The following DEUP1 variants were observed in gnomAD, a reference collection of about 807,000 sequenced individuals.
The protein encoded by DEUP1 is coiled-coil domain containing 67.
In DEUP1, 82 loss-of-function variants were observed where a neutral mutation model predicts 87.4. The observed-to-expected ratio is 0.94, with a 90% confidence interval of 0.78 to 1.13. The LOEUF (loss-of-function observed/expected upper bound fraction) is 1.13. DEUP1 is among the 50% of genes most tolerant of loss of function. DEUP1 has a pLI of 0.00. For missense variants in DEUP1, 663 were observed against 681.5 expected, an observed-to-expected ratio of 0.97 and a Z score of 0.30; for synonymous variants, 214 against 222.7, an observed-to-expected ratio of 0.96 and a Z score of 0.35.
chr11:93,400,063 T>C (rs12289685), intron 11 of DEUP1, among the ~76,000 whole-genome samples: 38,418 of 152,062 alleles, frequency 0.25, 5,208 homozygotes, highest in Middle Eastern at 0.38. Flanking sequence ...TATGTGGGTT[T>C]TGTTTTTTAA....
chr11:93,391,114 C>T (rs1453895356), intron 9 of DEUP1, among the ~76,000 whole-genome samples: 1 of 148,550 alleles, frequency 6.7e-6, no homozygotes, highest in Non-Finnish European at 1.5e-5. Flanking sequence ...CCAAGTGTTT[C>T]TGAAGAGCAT....
chr11:93,371,089 G>A lies in DEUP1; in HGVS notation c.598G>A (p.Glu200Lys). 6.2e-7 allele frequency: 1 copy of A among 1,612,386 alleles called. No homozygotes were observed. Among genetic ancestry groups the A allele is most frequent in the Non-Finnish European group, 8.5e-7 (1 of 1,178,980 alleles). ...ACTAAATGGTAAAAAACAGTGCTTA[G>A]AAGACAGCAGCTCTGAAATTCCTCG... is the stretch of plus-strand genomic sequence containing the variant. ...TQLNGKKQCLEDSSSEIPRLI... is the reference protein window; with the variant it reads ...TQLNGKKQCLKDSSSEIPRLI... The change falls in exon 7 of 14, where the codon GAA (glutamate) becomes AAA (lysine). Residue 200 changes from glutamate to lysine, a missense_variant. Glu to Lys is a moderately conservative substitution (Grantham distance 56). Transcript: ENST00000298050.
In DEUP1 at chr11:93,373,466, C is replaced by T. The variant is rs533617325; in HGVS notation, c.789+2186C>T. Among the ~76,000 whole-genome samples, 6 of 151,654 alleles carry T rather than the reference C, an allele frequency of 4.0e-5. No individual in the cohort carries two copies. The South Asian group carries it at 1.0e-3, about 26-fold the overall frequency. The stretch of plus-strand genomic sequence containing the variant: ...TAGGAGCAATAACAAAATGATGTTT[C>T]GTTTTCCATTCCTGAGTTACTTCAC... On this transcript the variant is annotated intron_variant, in intron 7 of 13. Transcript: ENST00000298050.
At position 93,385,529 on chromosome 11, in the gene DEUP1, A is replaced by G; in HGVS notation, c.921A>G (p.Gln307=). The G allele has an allele frequency of 6.2e-7, 1 of 1,604,056 alleles. No individual in the cohort carries two copies. Among genetic ancestry groups the G allele is most frequent in the Non-Finnish European group, 8.5e-7 (1 of 1,176,660 alleles). The change falls in exon 8 of 14, where the codon CAA becomes CAG. Residue 307 remains glutamine (Q), a synonymous_variant. Transcript: ENST00000298050. ...LLKIGECQNA[Q]GNKTRLESSY... The stretch of plus-strand genomic sequence containing the variant: ...AAATAGGAGAGTGCCAAAATGCTCA[A>G]GGAAATAAAACAAGGTATAATCTTT...
At chr11:93,388,153 T>G (rs952072551) in intron 8 of DEUP1, among the ~76,000 whole-genome samples, 1 of 152,152 alleles carries the variant, frequency 6.6e-6, no homozygotes, top group Non-Finnish European at 1.5e-5. Flanking sequence ...ATCTTTAAAT[T>G]AGCAATTTCT....
At chr11:93,429,439 A>C (rs1462923510) in intron 13 of DEUP1, among the ~76,000 whole-genome samples, 2 of 152,194 alleles carry the variant, frequency 1.3e-5, no homozygotes, top group African/African-American at 4.8e-5. Context: ...CAGTCAAGCA[A>C]TGGAAAAAGT....
chr11:93,407,859 C>T (rs1947324734), intron 11 of DEUP1, among the ~76,000 whole-genome samples: 1 of 149,214 alleles, frequency 6.7e-6, no homozygotes, highest in South Asian at 2.2e-4. Flanking sequence ...GCAATTTTGC[C>T]ATTGAAAGTA....
At chr11:93,383,614 T>G in intron 7 of DEUP1, 1 of 670,678 alleles carries the variant, frequency 1.5e-6, no homozygotes, top group Admixed American at 2.1e-5. Context: ...ATTTATGGTA[T>G]GTGGATTATA....
At chr11:93,384,523 T>C (rs1946446268) in intron 7 of DEUP1, among the ~76,000 whole-genome samples, 1 of 152,222 alleles carries the variant, frequency 6.6e-6, no homozygotes, top group Non-Finnish European at 1.5e-5. Context: ...TAATGGGTCC[T>C]TGCCAACAAC....
At chr11:93,403,242 C>A (rs1947176864) in intron 11 of DEUP1, among the ~76,000 whole-genome samples, 1 of 151,716 alleles carries the variant, frequency 6.6e-6, no homozygotes, top group South Asian at 2.1e-4. Flanking sequence ...AAATTGAGAA[C>A]TTTATGAGTT....
intron 13 of DEUP1, among the ~76,000 whole-genome samples, chr11:93,417,729 C>T (rs975435170): frequency 1.3e-5 from 2 of 149,498 alleles, no homozygotes; most frequent in African/African-American, 5.0e-5. Flanking sequence ...CCAAGTCAAT[C>T]CTAAGCCAAA....
At chr11:93,350,761 C>T (rs1944586242) in intron 2 of DEUP1, among the ~76,000 whole-genome samples, 1 of 151,520 alleles carries the variant, frequency 6.6e-6, no homozygotes, top group Non-Finnish European at 1.5e-5. Context: ...ACCAGCCTGG[C>T]CAACATGATG....
chr11:93,404,510 C>T (rs183060998), intron 11 of DEUP1, among the ~76,000 whole-genome samples: 197 of 152,106 alleles, frequency 1.3e-3, no homozygotes, highest in Non-Finnish European at 2.5e-3. Context: ...CATCCATTTA[C>T]GTACTGAAAA....
At chr11:93,391,790 C>T (rs977523557) in intron 9 of DEUP1, among the ~76,000 whole-genome samples, 1 of 151,082 alleles carries the variant, frequency 6.6e-6, no homozygotes, top group African/African-American at 2.4e-5. Context: ...AAAATCCATA[C>T]TGGGACAAAC....
At chr11:93,420,298 A>G (rs1236986267) in intron 13 of DEUP1, among the ~76,000 whole-genome samples, 1 of 152,048 alleles carries the variant, frequency 6.6e-6, no homozygotes, top group Non-Finnish European at 1.5e-5. Flanking sequence ...ATATAAACAG[A>G]ACCAAAGACA....
intron 2 of DEUP1, among the ~76,000 whole-genome samples, chr11:93,338,540 G>A (rs1264697893): frequency 6.6e-6 from 1 of 151,700 alleles, no homozygotes; most frequent in African/African-American, 2.4e-5. Context: ...TGAGTAGCTG[G>A]GAGGTACACA....
chr11:93,435,812 T>C (rs995234649), intron 13 of DEUP1, among the ~76,000 whole-genome samples: 8 of 152,000 alleles, frequency 5.3e-5, no homozygotes, highest in South Asian at 2.1e-4. Flanking sequence ...CTGGCTAACA[T>C]GGTGAAACCC....
intron 10 of DEUP1, among the ~76,000 whole-genome samples, chr11:93,395,704 A>G (rs1946921934): frequency 6.6e-6 from 1 of 152,216 alleles, no homozygotes; most frequent in Non-Finnish European, 1.5e-5. Flanking sequence ...CTAGAGAAGT[A>G]AAAGGACAGA....
intron 13 of DEUP1, among the ~76,000 whole-genome samples, chr11:93,419,117 T>A (rs1190429015): frequency 6.6e-6 from 1 of 150,954 alleles, no homozygotes; most frequent in African/African-American, 2.5e-5. Context: ...CACCAGCATG[T>A]CACATGTATA....
Sources: allele counts gnomAD v4.1 joint callset (sites outside exome capture counted in the v4.1 genomes callset), GRCh38; gene constraint gnomAD v4.1.1; transcripts MANE v1.5; gene names NCBI Gene and HGNC (gene_info 2026-07-23, HGNC 2026-07-21).